Variants in TNIK observed in about 807,000 individuals in gnomAD.
TNIK encodes the protein TRAF2 and NCK interacting kinase, also known as TRAF2 and NCK-interacting protein kinase.
In TNIK, 49 loss-of-function variants were observed where a neutral mutation model predicts 191.3. The ratio of observed to expected loss-of-function variants is 0.26; its 90% CI spans 0.20 to 0.32. The LOEUF is 0.32. Among genes scored for constraint, TNIK ranks in the 10% least tolerant of loss-of-function variants. The pLI, the probability that TNIK is intolerant of heterozygous loss-of-function variation, is 1.00. For missense variants in TNIK, 1,155 were observed against 1,702.3 expected, an observed-to-expected ratio of 0.68 and a Z score of 5.66; for synonymous variants, 594 against 600.9, an observed-to-expected ratio of 0.99 and a Z score of 0.17.
At chr3:171,130,124 G>T (rs1024379089) in intron 15 of TNIK, among the ~76,000 whole-genome samples, 4 of 152,148 alleles carry the variant, frequency 2.6e-5, no homozygotes, top group African/African-American at 9.7e-5. Flanking sequence ...GCAGCTAAAA[G>T]TCTTTATTCA....
intron 2 of TNIK, among the ~76,000 whole-genome samples, chr3:171,353,028 C>G (rs1276037799): frequency 6.6e-6 from 1 of 152,168 alleles, no homozygotes; most frequent in East Asian, 1.9e-4. Context: ...AACATATTGG[C>G]AGAATTACTA....
intron 4 of TNIK, among the ~76,000 whole-genome samples, chr3:171,205,250 TCAC>T (rs1375453113): frequency 3.3e-5 from 5 of 152,236 alleles, no homozygotes; most frequent in South Asian, 2.1e-4. Flanking sequence ...TCTTGATTTG[TCAC>T]CACATCAATC....
At chr3:171,425,755 G>A (rs1724470134) in intron 1 of TNIK, among the ~76,000 whole-genome samples, 1 of 151,376 alleles carries the variant, frequency 6.6e-6, no homozygotes, top group South Asian at 2.1e-4. Context: ...TTGAACCCGG[G>A]AAGTAGAAAT....
chr3:171,303,225 A>G (rs1208214386), intron 2 of TNIK, among the ~76,000 whole-genome samples: 2 of 152,168 alleles, frequency 1.3e-5, no homozygotes, highest in African/African-American at 4.8e-5. Context: ...AGTTACTACT[A>G]GGAAAAAAAA....
At chr3:171,397,057 C>G (rs1380344761) in intron 1 of TNIK, among the ~76,000 whole-genome samples, 2 of 152,148 alleles carry the variant, frequency 1.3e-5, no homozygotes, top group East Asian at 3.9e-4. Context: ...GAAGAGAAAG[C>G]AGGCAAGGGG....
chr3:171,332,654 T>G (rs1038215036), intron 2 of TNIK, among the ~76,000 whole-genome samples: 3 of 152,112 alleles, frequency 2.0e-5, no homozygotes, highest in Admixed American at 6.6e-5. Context: ...GCCAGCCAAC[T>G]ACCTCCTGAT....
Position 171,068,940 on chromosome 3 carries a change from G to A in TNIK, c.3607C>T (p.Gln1203Ter). ...GAACCAAAAATAACCTTTAATCTTT[G>A]ACCTTCTTCTACCGTGAGATCAACT... The part of the protein sequence containing the change: ...LLVDLTVEEG[Q>*]RLKVIFGSHT... Residue 1203 changes from glutamine (Q) to a stop codon, truncating the protein, a stop_gained, in exon 30 of 33, where the codon CAA becomes TAA. Transcript: ENST00000436636. LOFTEE classifies it high-confidence loss of function. 1 of 1,613,764 alleles carries A rather than the reference G, an allele frequency of 6.2e-7. No homozygotes were observed. Among genetic ancestry groups the A allele is most frequent in the Non-Finnish European group, 8.5e-7 (1 of 1,179,808 alleles).
chr3:171,439,712 C>CT (rs1726517516), intron 1 of TNIK: 1 of 152,180 alleles, frequency 6.6e-6, no homozygotes, highest in South Asian at 2.1e-4. Context: ...ACCTGAGACT[C>CT]TATCCTAGCC....
At position 171,060,838 on chromosome 3, in the gene TNIK, G is replaced by T. The variant is rs936231785; in HGVS notation, c.*3043C>A. On this transcript the variant is annotated 3_prime_UTR_variant, in exon 33 of 33. Transcript: ENST00000436636. ...AGACCCCAGACCCAGACTATGGTGT[G>T]GGCAGGCTCAGTAGATTTTACTGGA... Among the ~76,000 whole-genome samples, 1 of 152,112 alleles carries T rather than the reference G, an allele frequency of 6.6e-6. No individual in the cohort carries two copies. The highest frequency in any genetic ancestry group is 1.5e-5 in the Non-Finnish European group (1 of 68,026).
At chr3:171,344,202 T>C (rs568603305) in intron 2 of TNIK, among the ~76,000 whole-genome samples, 1 of 152,356 alleles carries the variant, frequency 6.6e-6, no homozygotes, top group Non-Finnish European at 1.5e-5. Flanking sequence ...CATTTTACGT[T>C]CACATTTCTG....
At chr3:171,435,175 C>T (rs1194337094) in intron 1 of TNIK, among the ~76,000 whole-genome samples, 1 of 152,140 alleles carries the variant, frequency 6.6e-6, no homozygotes, top group Non-Finnish European at 1.5e-5. Context: ...TATCTTTTTA[C>T]ATATTTACTT....
chr3:171,095,400 G>A (rs1005524356), intron 22 of TNIK, among the ~76,000 whole-genome samples: 3 of 152,224 alleles, frequency 2.0e-5, no homozygotes, highest in Non-Finnish European at 4.4e-5. Flanking sequence ...AAGGATTTTG[G>A]TTGTTAATGC....
rs562328721 is a variant in TNIK at position 171,401,805 on chromosome 3, G to A, written c.58-32120C>T. Among the ~76,000 whole-genome samples the A allele has an allele frequency of 2.6e-5, 4 of 152,310 alleles. No individual in the cohort carries two copies. The South Asian group carries it at 8.3e-4, about 32-fold the overall frequency. Reference sequence around the variant, plus strand: ...GAAGTAATTTAATATCAACCTCATAGGGCTGTTGGAAGAATTAAATAATGC... The same window carrying A: ...GAAGTAATTTAATATCAACCTCATAAGGCTGTTGGAAGAATTAAATAATGC... On this transcript the variant is annotated intron_variant, in intron 1 of 32. Transcript: ENST00000436636.
chr3:171,396,127 C>T (rs527608922), intron 1 of TNIK, among the ~76,000 whole-genome samples: 2 of 152,110 alleles, frequency 1.3e-5, no homozygotes, highest in African/African-American at 4.8e-5. Flanking sequence ...CACTGCCCCC[C>T]CAACCCTAAG....
intron 9 of TNIK, among the ~76,000 whole-genome samples, chr3:171,173,395 CAAAAAAAAA>C (rs57114753): frequency 8.3e-6 from 1 of 120,674 alleles, no homozygotes; most frequent in African/African-American, 3.1e-5. Context: ...GACTCCGTCT[CAAAAAAAAA>C]AAAAAAGAAA....
intron 28 of TNIK, among the ~76,000 whole-genome samples, chr3:171,076,408 G>A (rs1221062788): frequency 6.6e-6 from 1 of 152,084 alleles, no homozygotes; most frequent in Non-Finnish European, 1.5e-5. Context: ...TGATACACTT[G>A]ATTAGATTTC....
At chr3:171,310,235 T>C (rs757850864) in intron 2 of TNIK, among the ~76,000 whole-genome samples, 2 of 152,124 alleles carry the variant, frequency 1.3e-5, no homozygotes, top group Non-Finnish European at 2.9e-5. Context: ...TATGGACTTG[T>C]CTGGACTGCA....
At chr3:171,287,691 C>T (rs566014259) in intron 2 of TNIK, among the ~76,000 whole-genome samples, 9 of 152,238 alleles carry the variant, frequency 5.9e-5, no homozygotes, top group African/African-American at 1.7e-4. Context: ...GTATTTTATT[C>T]GAGATCAGTA....
intron 22 of TNIK, among the ~76,000 whole-genome samples, chr3:171,098,628 G>A (rs184465702): frequency 1.3e-5 from 2 of 152,258 alleles, no homozygotes; most frequent in Admixed American, 1.3e-4. Flanking sequence ...TTTCTGAGAA[G>A]CTTCTCTGTG....
Sources: gnomAD v4.1 joint callset for allele counts (sites outside exome capture counted in the v4.1 genomes callset) on GRCh38, gnomAD v4.1.1 for gene constraint, MANE v1.5 for transcripts, NCBI Gene and HGNC (gene_info 2026-07-23, HGNC 2026-07-21) for gene names.